The following RFX4 variants were observed in gnomAD, a reference collection of about 807,000 sequenced individuals.
RFX4 encodes the protein transcription factor RFX4.
RFX4 carries 10 observed loss-of-function variants against 95.0 expected under a neutral mutation model. The ratio of observed to expected loss-of-function variants is 0.11; its 90% confidence interval spans 0.06 to 0.18. RFX4 has a LOEUF of 0.18. Among genes scored for constraint, RFX4 ranks in the 10% least tolerant of loss-of-function variants. The pLI, the probability that RFX4 is intolerant of heterozygous loss-of-function variation, is 1.00. For synonymous variants in RFX4, 321 were observed against 340.7 expected, an observed-to-expected ratio of 0.94 and a Z score of 0.64; for missense variants, 640 against 922.0, an observed-to-expected ratio of 0.69 and a Z score of 3.96.
At chr12:106,755,401 C>T (rs2043090994) in intron 17 of RFX4, among the ~76,000 whole-genome samples, 1 of 152,062 alleles carries the variant, frequency 6.6e-6, no homozygotes, top group South Asian at 2.1e-4. Context: ...TAGACTTTTC[C>T]CTCAGTTTTT....
At chr12:106,706,425 G>A (rs1433792514) in intron 8 of RFX4, among the ~76,000 whole-genome samples, 2 of 152,234 alleles carry the variant, frequency 1.3e-5, no homozygotes. Context: ...AAGTCCGGAT[G>A]AGAGATGACG....
At chr12:106,716,009 C>T (rs2042282150) in intron 11 of RFX4, among the ~76,000 whole-genome samples, 1 of 152,158 alleles carries the variant, frequency 6.6e-6, no homozygotes, top group South Asian at 2.1e-4. Flanking sequence ...TGGTATTTTA[C>T]TTCTGTGAAT....
intron 17 of RFX4, among the ~76,000 whole-genome samples, chr12:106,754,839 C>T (rs1248474569): frequency 6.6e-6 from 1 of 152,190 alleles, no homozygotes; most frequent in Admixed American, 6.5e-5. Context: ...GCCTCTGACA[C>T]TCCCCTCAAT....
In RFX4 at chr12:106,687,124, G is replaced by A. The variant is rs767193602; in HGVS notation, c.591+27G>A. 1.9e-6 allele frequency: 3 copies of A among 1,603,074 alleles called. No individual in the cohort carries two copies. In the African/African-American group the frequency reaches 4.1e-5, roughly 22 times the overall value. ...TAACTACAACTGAAGTGACTATTTGGGGTGGGTGGTTTCTCTCTCTTTCTC... is the reference window on the plus strand; with the variant it reads ...TAACTACAACTGAAGTGACTATTTGAGGTGGGTGGTTTCTCTCTCTTTCTC... On this transcript the variant is annotated intron_variant, in intron 6 of 17. Coordinates refer to ENST00000392842, the MANE Select transcript of RFX4 (RefSeq NM_213594.3).
intron 5 of RFX4, chr12:106,684,631 A>T: frequency 1.5e-6 from 2 of 1,306,176 alleles, no homozygotes; most frequent in South Asian, 1.6e-5. Flanking sequence ...TTTTAAGGTT[A>T]CGGTGGTGTG....
At chr12:106,589,911 G>C (rs1255236504) in intron 1 of RFX4, among the ~76,000 whole-genome samples, 1 of 152,236 alleles carries the variant, frequency 6.6e-6, no homozygotes, top group Non-Finnish European at 1.5e-5. Context: ...ACAAATCTTG[G>C]CTTTCTTCAT....
Position 106,753,304 on chromosome 12 carries a change from C to T in RFX4, c.1935+2511C>T, listed in dbSNP as rs1268089828. On this transcript the variant is annotated intron_variant, in intron 17 of 17. Transcript: ENST00000392842. ...TCCCTCTGGCTGGGTGTCTCTTCCCCAGTCTCTTCGGCTGGGCATTCATGA... is the reference window on the plus strand; with the variant it reads ...TCCCTCTGGCTGGGTGTCTCTTCCCTAGTCTCTTCGGCTGGGCATTCATGA... Among the ~76,000 whole-genome samples, 3 of 152,134 alleles carry T rather than the reference C, an allele frequency of 2.0e-5. No individual in the cohort carries two copies. In the East Asian group the frequency reaches 5.8e-4, roughly 29 times the overall value.
At chr12:106,632,285 G>GT (rs137864655) in intron 2 of RFX4, among the ~76,000 whole-genome samples, 11 of 150,180 alleles carry the variant, frequency 7.3e-5, no homozygotes, top group Admixed American at 1.3e-4. Flanking sequence ...CTTGGCAGGA[G>GT]TTTTTTTTTT....
rs541706327 is a variant in RFX4, at chr12:106,761,325, G to A, written c.2064G>A (p.Pro688=). 48 of 1,614,022 alleles carry A rather than the reference G, an allele frequency of 3.0e-5. No individual in the cohort carries two copies. Among genetic ancestry groups the A allele is most frequent in the South Asian group, 1.9e-4 (17 of 91,076 alleles). Residue 688 remains proline, a synonymous_variant, in exon 18 of 18, where the codon CCG becomes CCA. Coordinates refer to ENST00000392842, the MANE Select transcript of RFX4 (RefSeq NM_213594.3). ...CAGCCAACACGTGCTACACAAGCCC[G>A]TCTGTGCATTCTGCGAGGTACGGAA... ...VPSANTCYTS[P]SVHSARYGNS...
rs2039464423 is a variant in RFX4, at chr12:106,586,820, T to C, written c.43+3457T>C. Among the ~76,000 whole-genome samples, 1 of 152,202 alleles carries C rather than the reference T, an allele frequency of 6.6e-6. No individual in the cohort carries two copies. Among genetic ancestry groups the C allele is most frequent in the Admixed American group, 6.5e-5 (1 of 15,286 alleles). ...CGCCGTGCCCACAAGGCAAAGTGCG[T>C]CCTGGAGGGAACAGGGCCCGAGCCT... On this transcript the variant is annotated intron_variant, in intron 1 of 17. Transcript: ENST00000392842. The surrounding 1 kb of genome is among the most constrained non-coding windows in gnomAD (Gnocchi z 5.6).
At chr12:106,669,883 GC>G (rs2041250054) in intron 4 of RFX4, among the ~76,000 whole-genome samples, 2 of 104,502 alleles carry the variant, frequency 1.9e-5, no homozygotes, top group African/African-American at 6.8e-5. Flanking sequence ...TGTGTGTAGT[GC>G]CATGTAAAAC....
intron 3 of RFX4, among the ~76,000 whole-genome samples, chr12:106,642,353 C>T (rs764896753): frequency 7.9e-5 from 12 of 151,446 alleles, no homozygotes; most frequent in Non-Finnish European, 1.5e-4. Flanking sequence ...CAGTGGCTCA[C>T]GCCTGTAATC....
At chr12:106,721,757 G>T (rs1253722466) in intron 13 of RFX4, among the ~76,000 whole-genome samples, 1 of 152,142 alleles carries the variant, frequency 6.6e-6, no homozygotes, top group Non-Finnish European at 1.5e-5. Flanking sequence ...TGCAAGTAAG[G>T]GTTGTGGTTT....
chr12:106,620,376 C>T (rs2040158385), intron 2 of RFX4, among the ~76,000 whole-genome samples: 1 of 152,110 alleles, frequency 6.6e-6, no homozygotes, highest in African/African-American at 2.4e-5. Flanking sequence ...GGTGACATCA[C>T]ATATCGGTAG....
At chr12:106,658,332 G>A (rs570054541) in intron 4 of RFX4, among the ~76,000 whole-genome samples, 8 of 152,078 alleles carry the variant, frequency 5.3e-5, no homozygotes, top group African/African-American at 1.2e-4. Context: ...TTGAAGAATC[G>A]CCTTCAAAGT....
intron 2 of RFX4, 40 bp from the exon 3 acceptor site, chr12:106,639,292 T>C (rs777995288): frequency 6.3e-7 from 1 of 1,575,472 alleles, no homozygotes; most frequent in East Asian, 2.2e-5. Flanking sequence ...TTTCCTACTG[T>C]TTCCTACTGA....
chr12:106,706,344 C>T lies in RFX4; in HGVS notation c.834-2986C>T, dbSNP rs1177005881. Among the ~76,000 whole-genome samples the T allele has an allele frequency of 3.3e-5, 5 of 152,236 alleles. No individual in the cohort carries two copies. In the East Asian group the frequency reaches 9.7e-4, roughly 29 times the overall value. Reference sequence around the variant, plus strand: ...AATTACAGGTGTTTTGGAAATGTCCCTCTGACAATGTGGAAGATGGAGTGG... The same window carrying T: ...AATTACAGGTGTTTTGGAAATGTCCTTCTGACAATGTGGAAGATGGAGTGG... On this transcript the variant is annotated intron_variant, in intron 8 of 17. Coordinates refer to ENST00000392842, the MANE Select transcript of RFX4 (RefSeq NM_213594.3).
At chr12:106,614,666 G>T (rs948241685) in intron 2 of RFX4, among the ~76,000 whole-genome samples, 5 of 151,750 alleles carry the variant, frequency 3.3e-5, no homozygotes, top group Non-Finnish European at 1.5e-5. Flanking sequence ...CCGCCACCAC[G>T]CCCGGCTAAT....
intron 4 of RFX4, among the ~76,000 whole-genome samples, chr12:106,671,425 G>A (rs953480429): frequency 4.6e-5 from 7 of 152,106 alleles, no homozygotes; most frequent in Non-Finnish European, 8.8e-5. Context: ...CACCAAGAGA[G>A]GCAGTGGGGC....
Sources: gnomAD v4.1 joint callset for allele counts (sites outside exome capture counted in the v4.1 genomes callset) on GRCh38, gnomAD v4.1.1 for gene constraint, Gnocchi (gnomAD v3.1) non-coding constraint, MANE v1.5 for transcripts, NCBI Gene and HGNC (gene_info 2026-07-23, HGNC 2026-07-21) for gene names.